The following CNPY2 variants were observed in gnomAD, a reference collection of about 807,000 sequenced individuals.
The protein encoded by CNPY2 is protein canopy homolog 2.
A neutral mutation model predicts 25.5 loss-of-function variants in CNPY2; 19 were observed. The ratio of observed to expected loss-of-function variants is 0.74; its 90% CI spans 0.52 to 1.09. The LOEUF is 1.09. Ranked by LOEUF, CNPY2 falls within the 50% of genes least tolerant of loss-of-function variation. CNPY2 has a pLI of 0.00. For synonymous variants in CNPY2, 82 were observed against 85.0 expected (o/e 0.96, Z 0.19); for missense variants, 214 against 233.6 (o/e 0.92, Z 0.55).
At chr12:56,314,721 T>C in intron 3 of CNPY2, 130 bp downstream of exon 3, 1 of 1,533,396 alleles carries the variant, frequency 6.5e-7, no homozygotes, top group Non-Finnish European at 8.8e-7. Flanking sequence ...TTCTTCCAAA[T>C]GAGACAGAGC....
At position 56,310,565 on chromosome 12, in the gene CNPY2, T is replaced by C; in HGVS notation, c.536A>G (p.His179Arg). The C allele has an allele frequency of 6.2e-7, 1 of 1,614,244 alleles. No individual in the cohort carries two copies. The highest frequency in any genetic ancestry group is 8.5e-7 in the Non-Finnish European group (1 of 1,180,052). The change falls in exon 6 of 6, where the codon CAT (histidine) becomes CGT (arginine). Residue 179 changes from histidine to arginine, a missense_variant. Coordinates refer to ENST00000273308, the MANE Select transcript of CNPY2 (RefSeq NM_014255.7). ...DLCDHALHISHDEL is the reference protein window; with the variant it reads ...DLCDHALHISRDEL ...TGCTCCAGTGGTTCATAGCTCATCA[T>C]GCGATATGTGCAGGGCATGGTCACA...
intron 1 of CNPY2, 52 bp from the exon 2 acceptor site, chr12:56,315,294 C>T: frequency 9.4e-7 from 1 of 1,065,578 alleles, no homozygotes; most frequent in Non-Finnish European, 1.4e-6. Context: ...CTCCATTTTT[C>T]CCTGACCCCC....
intron 3 of CNPY2, 57 bp downstream of exon 3, chr12:56,314,794 C>T (rs1241518138): frequency 3.1e-6 from 5 of 1,613,598 alleles, no homozygotes; most frequent in Non-Finnish European, 4.2e-6. Flanking sequence ...TTTAAGCAGT[C>T]GAATTTCATC....
chr12:56,311,265 C>T lies in CNPY2; in HGVS notation c.354G>A (p.Leu118=), dbSNP rs781004123. 46 of 1,614,056 alleles carry T rather than the reference C, an allele frequency of 2.8e-5. No individual in the cohort carries two copies. The highest frequency in any genetic ancestry group is 3.8e-5 in the Non-Finnish European group (45 of 1,180,036). The change falls in exon 4 of 6, where the codon CTG becomes CTA. Residue 118 remains leucine, a synonymous_variant. Coordinates refer to ENST00000273308, the MANE Select transcript of CNPY2 (RefSeq NM_014255.7). ...VVGRNGESSE[L]DLQGIRIDSD... ...AGTCGATTCGGATGCCTTGTAGGTC[C>T]AGTTCACTGGATTCTCCATTCCGGC...
intron 2 of CNPY2, 39 bp downstream of exon 2, chr12:56,315,091 C>A: frequency 6.2e-7 from 1 of 1,606,702 alleles, no homozygotes; most frequent in South Asian, 1.1e-5. Context: ...CCTCCCAAGG[C>A]TCTGCTTCCT....
rs758014085 is a variant in CNPY2, at chr12:56,314,970, G to A, written c.89-4C>T. ...TCATCCACCAGAGCCCTGCATGCTG[G>A]TGGAAGAGGAGAGAATGAGAGCAGG... On this transcript the variant is annotated splice_polypyrimidine_tract_variant and splice_region_variant and intron_variant, in intron 2 of 5. Transcript: ENST00000273308. 1 of 1,614,120 alleles carries A rather than the reference G, an allele frequency of 6.2e-7. No homozygotes were observed. Among genetic ancestry groups the A allele is most frequent in the Non-Finnish European group, 8.5e-7 (1 of 1,180,002 alleles).
At chr12:56,314,781 CT>C (rs771380003) in intron 3 of CNPY2, 69 bp downstream of exon 3, 1 of 1,611,948 alleles carries the variant, frequency 6.2e-7, no homozygotes, top group African/African-American at 1.3e-5. Flanking sequence ...AACCAAGGTC[CT>C]TTTTAAGCAG....
At position 56,315,808 on chromosome 12, in the gene CNPY2, G is replaced by A; in HGVS notation, c.-26+13C>T. 1 of 155,732 alleles carries A rather than the reference G, an allele frequency of 6.4e-6. No individual in the cohort carries two copies. The highest frequency in any genetic ancestry group is 1.4e-5 in the Non-Finnish European group (1 of 70,448). 9.6% of individuals were successfully genotyped at this position (155,732 alleles called of 1,614,324 possible). On this transcript the variant is annotated intron_variant, in intron 1 of 5. Transcript: ENST00000273308. ...CTCAGCGCCCAGCGCCTCGCCGCCC[G>A]CATCCGTCCCACCTCTGCTCCCAGG...
intron 3 of CNPY2, chr12:56,314,528 G>T: frequency 2.6e-6 from 3 of 1,165,372 alleles, no homozygotes; most frequent in South Asian, 2.4e-5. Context: ...TTTATTTTTA[G>T]CTCCGACTCA....
At chr12:56,315,432 G>A (rs1254148338) in intron 1 of CNPY2, among the ~76,000 whole-genome samples, 190 bp from the exon 2 acceptor site, 2 of 152,244 alleles carry the variant, frequency 1.3e-5, no homozygotes, top group Non-Finnish European at 2.9e-5. Flanking sequence ...CAGGGTGGTG[G>A]GTGGGAGCGC....
chr12:56,310,398 G>T lies in CNPY2; in HGVS notation c.*154C>A. ...TCCTTATCTTCAAGCTTAATGTAAGGGCAATTCCAGGCATGAAAAGACAAC... is the reference window on the plus strand; with the variant it reads ...TCCTTATCTTCAAGCTTAATGTAAGTGCAATTCCAGGCATGAAAAGACAAC... On this transcript the variant is annotated 3_prime_UTR_variant, in exon 6 of 6. Transcript: ENST00000273308. The T allele has an allele frequency of 1.4e-6, 1 of 712,568 alleles. No individual in the cohort carries two copies. The highest frequency in any genetic ancestry group is 1.7e-5 in the South Asian group (1 of 60,024). The allele number at this position is 712,568 out of a possible 1,614,324, so 44.1% of individuals were successfully genotyped here.
Position 56,310,153 on chromosome 12 carries a change from A to G in CNPY2, c.*399T>C, listed in dbSNP as rs1312558604. 7 of 612,658 alleles carry G rather than the reference A, an allele frequency of 1.1e-5. No individual in the cohort carries two copies. The highest frequency in any genetic ancestry group is 1.1e-4 in the East Asian group (4 of 36,670). The allele number at this position is 612,658 out of a possible 1,614,324, so 38.0% of individuals were successfully genotyped here. ...TTTCTAGAATTCTACACTACCATAC[A>G]CTATGTTCCCCTGCTTCCTCATGGA... On this transcript the variant is annotated 3_prime_UTR_variant, in exon 6 of 6. Transcript: ENST00000273308.
Position 56,314,879 on chromosome 12 carries a change from T to C in CNPY2, c.176A>G (p.Asn59Ser). The C allele has an allele frequency of 1.2e-6, 2 of 1,614,248 alleles. No individual in the cohort carries two copies. The highest frequency in any genetic ancestry group is 1.6e-4 in the Middle Eastern group (1 of 6,062). Residue 59 changes from asparagine (N) to serine (S), a missense_variant, in exon 3 of 6, where the codon AAT becomes AGT. Transcript: ENST00000273308. ...KTIQMGSFRINPDGSQSVVEV... is the reference protein window; with the variant it reads ...KTIQMGSFRISPDGSQSVVEV... Reference sequence around the variant, plus strand: ...CACCACTGACTGGCTGCCATCTGGATTGATCCGGAAAGATCCCATCTGAAT... The same window carrying C: ...CACCACTGACTGGCTGCCATCTGGACTGATCCGGAAAGATCCCATCTGAAT...
chr12:56,311,362 C>T lies in CNPY2; in HGVS notation c.257G>A (p.Cys86Tyr). The change falls in exon 4 of 6, where the codon TGT (cysteine) becomes TAT (tyrosine). Residue 86 changes from cysteine (C) to tyrosine (Y), a missense_variant. Transcript: ENST00000273308. The stretch of plus-strand genomic sequence containing the variant: ...TTCCCCATACTCCTTCATCCGGTCA[C>T]ATATCTCCTCCAGCAGCTCTGTGAG... ...AHLTELLEEI[C>Y]DRMKEYGEQI... 1 of 1,614,210 alleles carries T rather than the reference C, an allele frequency of 6.2e-7. No individual in the cohort carries two copies. The highest frequency in any genetic ancestry group is 8.5e-7 in the Non-Finnish European group (1 of 1,180,046).
chr12:56,314,513 C>A, intron 3 of CNPY2: 1 of 1,150,048 alleles, frequency 8.7e-7, no homozygotes, highest in Non-Finnish European at 1.1e-6. Flanking sequence ...TCTGTTTTTT[C>A]ATTTTTTATT....
Position 56,310,601 on chromosome 12 carries a change from A to C in CNPY2, c.506-6T>G. On this transcript the variant is annotated splice_region_variant and splice_polypyrimidine_tract_variant and intron_variant, in intron 5 of 5. Transcript: ENST00000273308. ...CAGGGCATGGTCACAAAGATCTGCA[A>C]ATGGCAAACAATTTAAAGGAATATG... 6.2e-7 allele frequency: 1 copy of C among 1,614,184 alleles called. No homozygotes were observed. The highest frequency in any genetic ancestry group is 8.5e-7 in the Non-Finnish European group (1 of 1,180,002).
Position 56,310,965 on chromosome 12 carries a change from C to A in CNPY2, c.498G>T (p.Lys166Asn), listed in dbSNP as rs1873697671. ...ADNVKDKLCS[K>N]RTDLCDHALH... ...AAAGTGGGGGCAGCTTACCTGTTCG[C>A]TTACTGCAAAGTTTGTCTTTAACAT... is the stretch of plus-strand genomic sequence containing the variant. Residue 166 changes from lysine (K) to asparagine (N), a missense_variant, in exon 5 of 6, where the codon AAG becomes AAT. Transcript: ENST00000273308. 6.2e-7 allele frequency: 1 copy of A among 1,613,952 alleles called. No homozygotes were observed. The highest frequency in any genetic ancestry group is 1.3e-5 in the African/African-American group (1 of 74,904).
chr12:56,315,116 C>T lies in CNPY2; in HGVS notation c.88+14G>A. ...CTCTGCTTCCTCCACTTCTTTTTCC[C>T]GTTGTGCCTTTACCTCCACAGTGGA... On this transcript the variant is annotated intron_variant, in intron 2 of 5. Coordinates refer to ENST00000273308, the MANE Select transcript of CNPY2 (RefSeq NM_014255.7). 2 of 1,613,114 alleles carry T rather than the reference C, an allele frequency of 1.2e-6. No homozygotes were observed. Among genetic ancestry groups the T allele is most frequent in the East Asian group, 4.5e-5 (2 of 44,884 alleles).
In CNPY2 at chr12:56,311,005, G is replaced by T; in HGVS notation, c.458C>A (p.Ser153Tyr). 1 of 1,614,168 alleles carries T rather than the reference G, an allele frequency of 6.2e-7. No homozygotes were observed. Among genetic ancestry groups the T allele is most frequent in the Non-Finnish European group, 8.5e-7 (1 of 1,180,044 alleles). ...EYEDELIEFF[S>Y]READNVKDKL... ...GTCTTTAACATTGTCAGCCTCTCGG[G>T]AAAAGAATTCAATGAGTTCATCCTC... The change falls in exon 5 of 6, where the codon TCC (serine) becomes TAC (tyrosine). Residue 153 changes from serine (S) to tyrosine (Y), a missense_variant. Transcript: ENST00000273308.
Sources: gnomAD v4.1 joint callset for allele counts (sites outside exome capture counted in the v4.1 genomes callset) on GRCh38, gnomAD v4.1.1 for gene constraint, MANE v1.5 for transcripts, NCBI Gene and HGNC (gene_info 2026-07-23, HGNC 2026-07-21) for gene names.